ZNF780A: variants seen among roughly 807,000 people sequenced by gnomAD.
The protein encoded by ZNF780A is zinc finger protein 780A.
In ZNF780A, 40 loss-of-function variants were observed where a neutral mutation model predicts 56.7. That is an observed-to-expected ratio of 0.71 (90% CI 0.55 to 0.92). ZNF780A has a LOEUF of 0.92. ZNF780A is among the 40% of genes least tolerant of loss of function. The pLI is 0.00. For missense variants in ZNF780A, 672 were observed against 783.3 expected (o/e 0.86, Z 1.70); for synonymous variants, 231 against 248.3 (o/e 0.93, Z 0.66).
chr19:40,075,649 C>T lies in ZNF780A; in HGVS notation c.793G>A (p.Val265Ile). The T allele has an allele frequency of 6.2e-7, 1 of 1,612,274 alleles. No homozygotes were observed. The highest frequency in any genetic ancestry group is 8.5e-7 in the Non-Finnish European group (1 of 1,179,548). The change falls in exon 6 of 6, where the codon GTT becomes ATT. Residue 265 changes from valine (V) to isoleucine (I), a missense_variant. Transcript: ENST00000683561. ...GKSFNRSSNL[V>I]QHQSIHSGVK... Reference sequence around the variant, plus strand: ...CCAGAATGAATACTCTGATGTTGAACAAGGTTTGAGCTACGATTAAAGGAC... The same window carrying T: ...CCAGAATGAATACTCTGATGTTGAATAAGGTTTGAGCTACGATTAAAGGAC...
intron 2 of ZNF780A, among the ~76,000 whole-genome samples, chr19:40,085,607 C>G (rs1471951240): frequency 2.6e-5 from 4 of 152,092 alleles, no homozygotes; most frequent in Non-Finnish European, 5.9e-5. Context: ...CATGGCCGGG[C>G]ACGGTGGCTC....
At chr19:40,076,701 A>G (rs1296374000) in intron 5 of ZNF780A, among the ~76,000 whole-genome samples, 2 of 152,072 alleles carry the variant, frequency 1.3e-5, no homozygotes, top group Non-Finnish European at 2.9e-5. Flanking sequence ...TGGGGGGCCT[A>G]AGGTCAGGTC....
At chr19:40,070,301 T>C (rs1258428212), downstream of ZNF780A, 1 of 152,176 alleles carries the variant, frequency 6.6e-6, no homozygotes, top group Non-Finnish European at 1.5e-5. Flanking sequence ...AAAAAAACCA[T>C]TATTGAATTG....
At chr19:40,088,075 G>A (rs1171744460) in intron 2 of ZNF780A, among the ~76,000 whole-genome samples, 2 of 152,096 alleles carry the variant, frequency 1.3e-5, no homozygotes, top group African/African-American at 4.8e-5. Context: ...AAAACATAGG[G>A]GGAAAGCTCT....
Position 40,074,461 on chromosome 19 carries a change from C to G in ZNF780A, c.*55G>C. The G allele has an allele frequency of 6.2e-7, 1 of 1,602,420 alleles. No homozygotes were observed. Among genetic ancestry groups the G allele is most frequent in the Non-Finnish European group, 8.5e-7 (1 of 1,174,082 alleles). On this transcript the variant is annotated 3_prime_UTR_variant, in exon 6 of 6. Coordinates refer to ENST00000683561, the MANE Select transcript of ZNF780A (RefSeq NM_001142578.2). ...ATGGTTTTACACCAGCACGAATACT[C>G]TGATGTTGAACATGGTTTGAGACAC...
At chr19:40,078,073 TAAG>T (rs1334657445) in intron 5 of ZNF780A, among the ~76,000 whole-genome samples, 2 of 148,252 alleles carry the variant, frequency 1.3e-5, no homozygotes, top group African/African-American at 4.9e-5. Context: ...AAACTCAGGA[TAAG>T]AAGAAGAAAC....
At chr19:40,086,132 GGT>G (rs202239619) in intron 2 of ZNF780A, among the ~76,000 whole-genome samples, 14,073 of 151,876 alleles carry the variant, frequency 0.093, 1,162 homozygotes, top group African/African-American at 0.21. Flanking sequence ...TTGAACTTGG[GGT>G]GGGAAATCAG....
At chr19:40,086,482 T>C (rs1013889563) in intron 2 of ZNF780A, among the ~76,000 whole-genome samples, 1 of 152,224 alleles carries the variant, frequency 6.6e-6, no homozygotes, top group African/African-American at 2.4e-5. Context: ...ATTATCAAGA[T>C]TCTTCTTTGA....
In ZNF780A at chr19:40,074,637, C is replaced by T. The variant is rs747043993; in HGVS notation, c.1805G>A (p.Arg602Gln). 20 of 1,613,210 alleles carry T rather than the reference C, an allele frequency of 1.2e-5. No homozygotes were observed. Among genetic ancestry groups the T allele is most frequent in the South Asian group, 4.4e-5 (4 of 91,048 alleles). ...KAFRLHMQLI[R>Q]HQKLHTGEKP... is the part of the protein sequence containing the mutation. ...CTCACCAGTATGCAATTTCTGATGT[C>T]GAATAAGTTGCATATGAAGTCGAAA... Residue 602 changes from arginine (R) to glutamine (Q), a missense_variant, in exon 6 of 6, where the codon CGA (arginine) becomes CAA (glutamine). Transcript: ENST00000683561.
In ZNF780A at chr19:40,073,154, T is replaced by C; in HGVS notation, c.*1362A>G. 2 of 1,077,292 alleles carry C rather than the reference T, an allele frequency of 1.9e-6. No homozygotes were observed. Among genetic ancestry groups the C allele is most frequent in the Admixed American group, 4.2e-5 (1 of 23,842 alleles). 66.7% of individuals were successfully genotyped at this position (1,077,292 alleles called of 1,614,324 possible). A position where few individuals can be genotyped will look rare whatever the true frequency, so the allele number is the denominator to read the frequency against. ...CTTATTCTCAATGGTACAACAAATATACAAAAAATAAACGTGCAAATTGTT... is the reference window on the plus strand; with the variant it reads ...CTTATTCTCAATGGTACAACAAATACACAAAAAATAAACGTGCAAATTGTT... On this transcript the variant is annotated 3_prime_UTR_variant, in exon 6 of 6. Transcript: ENST00000683561.
At chr19:40,087,376 C>G (rs1599855864) in intron 2 of ZNF780A, among the ~76,000 whole-genome samples, 1 of 152,026 alleles carries the variant, frequency 6.6e-6, no homozygotes, top group Non-Finnish European at 1.5e-5. Flanking sequence ...GCACCCTCCC[C>G]GACAGCATGA....
At chr19:40,090,381 A>G (rs1020335597) in intron 1 of ZNF780A, 146 bp from the exon 2 acceptor site, 1 of 152,232 alleles carries the variant, frequency 6.6e-6, no homozygotes, top group Non-Finnish European at 1.5e-5. Context: ...CGATTCAACC[A>G]GTACAACCAG....
downstream of ZNF780A, chr19:40,069,765 G>A (rs1221670629): frequency 2.0e-5 from 3 of 152,130 alleles, no homozygotes; most frequent in Non-Finnish European, 2.9e-5. Flanking sequence ...TTGATAGTAG[G>A]TGAGAAAGAA....
chr19:40,081,810 C>G lies in ZNF780A; in HGVS notation c.232+9G>C, dbSNP rs375101672. ...ATGGCTTCCCCCCGCCTGCTTTACCCTCACTTACCTGGATACCGTCTGCTT... is the reference window on the plus strand; with the variant it reads ...ATGGCTTCCCCCCGCCTGCTTTACCGTCACTTACCTGGATACCGTCTGCTT... On this transcript the variant is annotated intron_variant, in intron 5 of 5. Transcript: ENST00000683561. 3.5e-5 allele frequency: 56 copies of G among 1,609,396 alleles called. No homozygotes were observed. In the African/African-American group the frequency reaches 5.2e-4, roughly 15 times the overall value.
intron 5 of ZNF780A, among the ~76,000 whole-genome samples, chr19:40,077,895 A>G (rs1252332268): frequency 4.0e-5 from 6 of 151,732 alleles, no homozygotes; most frequent in East Asian, 3.8e-4. Flanking sequence ...AAAAAAAAAA[A>G]AGAGAAGGAA....
chr19:40,075,829 G>A lies in ZNF780A; in HGVS notation c.613C>T (p.His205Tyr). 1 of 1,612,660 alleles carries A rather than the reference G, an allele frequency of 6.2e-7. No individual in the cohort carries two copies. Among genetic ancestry groups the A allele is most frequent in the Non-Finnish European group, 8.5e-7 (1 of 1,179,564 alleles). Reference protein sequence around the residue: ...CKECGKAFRLHIQFTRHQKFH... With the variant: ...CKECGKAFRLYIQFTRHQKFH... ...TTCTGATGTCGAGTAAATTGTATGT[G>A]AAGTCGAAAGGCTTTCCCACACTCC... is the stretch of plus-strand genomic sequence containing the variant. The change falls in exon 6 of 6, where the codon CAC (histidine) becomes TAC (tyrosine). Residue 205 changes from histidine to tyrosine, a missense_variant. Physicochemically the swap from His to Tyr is moderately conservative, Grantham distance 83. Transcript: ENST00000683561.
Position 40,075,120 on chromosome 19 carries a change from T to C in ZNF780A, c.1322A>G (p.Asn441Ser). ...TTCCCTACATACAAAAGGTTTCTCATTGGAATGAATTTTCTGATGCTGAAT... is the reference window on the plus strand; with the variant it reads ...TTCCCTACATACAAAAGGTTTCTCACTGGAATGAATTTTCTGATGCTGAAT... The part of the protein sequence containing the change: ...HLIQHQKIHS[N>S]EKPFVCRECE... Residue 441 changes from asparagine to serine, a missense_variant, in exon 6 of 6, where the codon AAT becomes AGT. Physicochemically the swap from Asn to Ser is conservative, Grantham distance 46. Coordinates refer to ENST00000683561, the MANE Select transcript of ZNF780A (RefSeq NM_001142578.2). The C allele has an allele frequency of 6.2e-7, 1 of 1,613,506 alleles. No individual in the cohort carries two copies. The highest frequency in any genetic ancestry group is 8.5e-7 in the Non-Finnish European group (1 of 1,179,834).
rs1243924924 is a variant in ZNF780A, at chr19:40,073,426, C to T, written c.*1090G>A. ...ATAAAGACATGAAATGCACACCTGA[C>T]GTTGGGAAAATGGACCTGATCGTCT... On this transcript the variant is annotated 3_prime_UTR_variant, in exon 6 of 6. Transcript: ENST00000683561. 4.8e-6 allele frequency: 3 copies of T among 625,668 alleles called. No homozygotes were observed. The highest frequency in any genetic ancestry group is 7.2e-5 in the South Asian group (1 of 13,950). The allele number at this position is 625,668 out of a possible 1,614,324, so 38.8% of individuals were successfully genotyped here.
At chr19:40,085,004 G>C (rs1974707597) in intron 2 of ZNF780A, among the ~76,000 whole-genome samples, 1 of 152,196 alleles carries the variant, frequency 6.6e-6, no homozygotes, top group Non-Finnish European at 1.5e-5. Flanking sequence ...CCAAGCTCTC[G>C]CCTGCATCCC....
Sources: allele counts gnomAD v4.1 joint callset (sites outside exome capture counted in the v4.1 genomes callset), GRCh38; gene constraint gnomAD v4.1.1; transcripts MANE v1.5; gene names NCBI Gene and HGNC (gene_info 2026-07-23, HGNC 2026-07-21).